The following GALNT5 variants were observed in gnomAD, a reference collection of about 807,000 sequenced individuals.
The protein encoded by GALNT5 is polypeptide N-acetylgalactosaminyltransferase 5, also known as UDP-GalNAc:polypeptide N-acetylgalactosaminyltransferase 5.
Under a neutral mutation model 85.4 loss-of-function variants are expected in GALNT5, and 72 were observed. That is an observed-to-expected ratio of 0.84 (90% CI 0.70 to 1.03). GALNT5 has a LOEUF of 1.03. Among genes scored for constraint, GALNT5 ranks in the 50% least tolerant of loss-of-function variants. The pLI, the probability that GALNT5 is intolerant of heterozygous loss-of-function variation, is 0.00. For synonymous variants in GALNT5, 404 were observed against 397.0 expected, an observed-to-expected ratio of 1.02 and a Z score of -0.21; for missense variants, 1,137 against 1,135.5, an observed-to-expected ratio of 1.00 and a Z score of -0.02.
intron 8 of GALNT5, among the ~76,000 whole-genome samples, chr2:157,306,216 G>A (rs1303113160): frequency 2.0e-5 from 3 of 152,134 alleles, no homozygotes; most frequent in Non-Finnish European, 4.4e-5. Flanking sequence ...AATGTTTGCT[G>A]TAATAATAAT....
At chr2:157,284,502 A>T (rs1574023057) in intron 2 of GALNT5, 54 bp downstream of exon 2, 11 of 1,419,490 alleles carry the variant, frequency 7.7e-6, no homozygotes, top group Non-Finnish European at 1.1e-5. Context: ...GCAGAAGCAA[A>T]GTTTAGTAGC....
intron 1 of GALNT5, among the ~76,000 whole-genome samples, chr2:157,268,262 G>A (rs1479656090): frequency 6.6e-6 from 1 of 152,058 alleles, no homozygotes; most frequent in Non-Finnish European, 1.5e-5. Flanking sequence ...TATTTGATAG[G>A]CTACATTCAA....
rs563859012 is a variant in GALNT5 at position 157,315,574 on chromosome 2, T to A, written c.*4226T>A. 2.4e-4 allele frequency among the ~76,000 whole-genome samples: 36 copies of A among 152,302 alleles called. No homozygotes were observed. The highest frequency in any genetic ancestry group is 8.7e-4 in the African/African-American group (36 of 41,582). On this transcript the variant is annotated 3_prime_UTR_variant, in exon 10 of 10. Coordinates refer to ENST00000259056, the MANE Select transcript of GALNT5 (RefSeq NM_014568.3). ...GTTGTATAAACAGAAAAAAGAAGCA[T>A]GGTCTCTCTCTCTCTGTGGTAACCA... is the stretch of plus-strand genomic sequence containing the variant.
intron 7 of GALNT5, among the ~76,000 whole-genome samples, 163 bp downstream of exon 7, chr2:157,301,162 G>C (rs1683335306): frequency 6.6e-6 from 1 of 152,182 alleles, no homozygotes. Flanking sequence ...GTAAACTTGA[G>C]GAAGGCTACC....
intron 1 of GALNT5, among the ~76,000 whole-genome samples, chr2:157,273,959 T>C (rs967302380): frequency 2.0e-5 from 3 of 152,220 alleles, no homozygotes; most frequent in East Asian, 1.9e-4. Context: ...TTTCTCCTAA[T>C]GCTATCCCTC....
intron 6 of GALNT5, 75 bp downstream of exon 6, chr2:157,299,740 A>G (rs1029761271): frequency 7.6e-6 from 6 of 784,344 alleles, no homozygotes; most frequent in African/African-American, 3.5e-5. Flanking sequence ...TTTTACTACC[A>G]TAATCAGGTA....
rs139690388 is a variant in GALNT5 at position 157,273,477 on chromosome 2, A to G, written c.1455-10805A>G. Among the ~76,000 whole-genome samples the G allele has an allele frequency of 9.3e-3, 1,414 of 151,912 alleles. 23 individuals carry two copies. Among genetic ancestry groups the G allele is most frequent in the African/African-American group, 0.033 (1,360 of 41,446 alleles). On this transcript the variant is annotated intron_variant, in intron 1 of 9. Coordinates refer to ENST00000259056, the MANE Select transcript of GALNT5 (RefSeq NM_014568.3). Reference sequence around the variant, plus strand: ...CCAATTAACACTTTCGTGGACTTCAATGTGCAAATTCCTCAAACTTAAAAG... The same window carrying G: ...CCAATTAACACTTTCGTGGACTTCAGTGTGCAAATTCCTCAAACTTAAAAG...
chr2:157,296,952 CAAATT>C (rs1683225392), intron 5 of GALNT5, among the ~76,000 whole-genome samples: 1 of 152,082 alleles, frequency 6.6e-6, no homozygotes, highest in East Asian at 1.9e-4. Flanking sequence ...AGAAAAGTGC[CAAATT>C]CTATGAATAA....
rs1005010480 is a variant in GALNT5, at chr2:157,316,233, A to G, written c.*4885A>G. 6.6e-6 allele frequency among the ~76,000 whole-genome samples: 1 copy of G among 152,140 alleles called. No homozygotes were observed. The highest frequency in any genetic ancestry group is 1.5e-5 in the Non-Finnish European group (1 of 68,032). On this transcript the variant is annotated 3_prime_UTR_variant, in exon 10 of 10. Coordinates refer to ENST00000259056, the MANE Select transcript of GALNT5 (RefSeq NM_014568.3). The stretch of plus-strand genomic sequence containing the variant: ...TTCCAGGTACAGCTGCTAGCTTTAC[A>G]TATGGGAGCCTCTAGCTTGCATATC...
intron 8 of GALNT5, 79 bp from the exon 9 acceptor site, chr2:157,308,488 G>T (rs1188103070): frequency 1.9e-6 from 2 of 1,046,312 alleles, no homozygotes; most frequent in Non-Finnish European, 2.8e-6. Context: ...ATTCTTAACT[G>T]TTGCTAACAA....
chr2:157,311,151 A>G (rs906910853), intron 9 of GALNT5, 57 bp from the exon 10 acceptor site: 2 of 1,324,030 alleles, frequency 1.5e-6, no homozygotes, highest in South Asian at 1.3e-5. Flanking sequence ...TCATTTCTTC[A>G]TATTGCAGTT....
chr2:157,279,481 C>T (rs150144961), intron 1 of GALNT5, among the ~76,000 whole-genome samples: 1 of 152,168 alleles, frequency 6.6e-6, no homozygotes, highest in Admixed American at 6.5e-5. Flanking sequence ...TGGGCTCCAC[C>T]CAGTTTGAGC....
chr2:157,293,671 A>T (rs948711722), intron 3 of GALNT5, among the ~76,000 whole-genome samples: 1 of 152,192 alleles, frequency 6.6e-6, no homozygotes, highest in Non-Finnish European at 1.5e-5. Flanking sequence ...CAGAATCCTC[A>T]AGAACACTCC....
At chr2:157,268,715 T>C (rs1278117968) in intron 1 of GALNT5, among the ~76,000 whole-genome samples, 1 of 152,190 alleles carries the variant, frequency 6.6e-6, no homozygotes, top group Non-Finnish European at 1.5e-5. Context: ...TGCAGGATAG[T>C]GAAACTCCCC....
chr2:157,271,397 G>C, intron 1 of GALNT5, among the ~76,000 whole-genome samples: 1 of 152,154 alleles, frequency 6.6e-6, no homozygotes, highest in South Asian at 2.1e-4. Context: ...CATAGAAATT[G>C]ACTGAGGATT....
At chr2:157,291,629 A>C (rs370784518) in intron 3 of GALNT5, among the ~76,000 whole-genome samples, 297 of 60,506 alleles carry the variant, frequency 4.9e-3, no homozygotes, top group East Asian at 6.7e-3. Context: ...TTATGTTACC[A>C]CCCACCCCCC....
At chr2:157,260,880 G>C (rs1255304150) in intron 1 of GALNT5, among the ~76,000 whole-genome samples, 1 of 152,168 alleles carries the variant, frequency 6.6e-6, no homozygotes. Flanking sequence ...TCTCACCCTG[G>C]TGATAATCAC....
rs891739549 is a variant in GALNT5, at chr2:157,316,615, T to G, written c.*5267T>G. Among the ~76,000 whole-genome samples, 2 of 151,882 alleles carry G rather than the reference T, an allele frequency of 1.3e-5. No homozygotes were observed. The highest frequency in any genetic ancestry group is 2.9e-5 in the Non-Finnish European group (2 of 67,960). On this transcript the variant is annotated 3_prime_UTR_variant, in exon 10 of 10. Coordinates refer to ENST00000259056, the MANE Select transcript of GALNT5 (RefSeq NM_014568.3). ...GCTACAAGACAAAATGCCTTACAAT[T>G]AGAAAAAAAAATTAACCAGAGATAT...
At chr2:157,308,999 A>G (rs1470880513) in intron 9 of GALNT5, among the ~76,000 whole-genome samples, 1 of 152,162 alleles carries the variant, frequency 6.6e-6, no homozygotes, top group Non-Finnish European at 1.5e-5. Context: ...TGCTTCAGTC[A>G]ATCAACAACA....
Sources: gnomAD v4.1 joint callset for allele counts (sites outside exome capture counted in the v4.1 genomes callset) on GRCh38, gnomAD v4.1.1 for gene constraint, MANE v1.5 for transcripts, NCBI Gene and HGNC (gene_info 2026-07-23, HGNC 2026-07-21) for gene names.